The following WWOX variants were observed in gnomAD, a reference collection of about 807,000 sequenced individuals.
WWOX encodes WW domain containing oxidoreductase, also known as WW domain-containing oxidoreductase.
In WWOX, 69 loss-of-function variants were observed where a neutral mutation model predicts 46.2. The observed-to-expected ratio is 1.49, with a 90% CI of 1.23 to 1.82. The LOEUF is 1.82. WWOX is among the 40% of genes most tolerant of loss of function. The pLI, the probability that WWOX is intolerant of heterozygous loss-of-function variation, is 0.00. For missense variants in WWOX, 919 were observed against 542.6 expected, an observed-to-expected ratio of 1.69 and a Z score of -6.89; for synonymous variants, 359 against 202.6, an observed-to-expected ratio of 1.77 and a Z score of -6.56.
At chr16:78,463,521 G>A (rs2084003003) in intron 8 of WWOX, among the ~76,000 whole-genome samples, 1 of 152,168 alleles carries the variant, frequency 6.6e-6, no homozygotes, top group Admixed American at 6.5e-5. Flanking sequence ...ACATGTAACT[G>A]GTCATTTGTA....
At chr16:78,241,866 C>A (rs1251712449) in intron 5 of WWOX, among the ~76,000 whole-genome samples, 1 of 152,184 alleles carries the variant, frequency 6.6e-6, no homozygotes, top group African/African-American at 2.4e-5. Flanking sequence ...AAATCAGCTG[C>A]CTCCAACAGC....
intron 8 of WWOX, among the ~76,000 whole-genome samples, chr16:78,439,297 T>C (rs537702320): frequency 1.3e-5 from 2 of 152,340 alleles, no homozygotes; most frequent in South Asian, 2.1e-4. Context: ...AGTCCAGATA[T>C]GTTAGAAAAC....
intron 8 of WWOX, among the ~76,000 whole-genome samples, chr16:78,607,784 T>G (rs1017239833): frequency 2.6e-5 from 4 of 152,046 alleles, no homozygotes; most frequent in African/African-American, 9.7e-5. Flanking sequence ...TTTTCATATT[T>G]GTCATTTCTC....
chr16:78,884,739 G>A (rs955240974), intron 8 of WWOX, among the ~76,000 whole-genome samples: 4 of 152,142 alleles, frequency 2.6e-5, no homozygotes, highest in African/African-American at 9.7e-5. Context: ...AAGCTACTGG[G>A]TGTGTTCAGT....
chr16:79,003,354 C>G (rs1175222861), intron 8 of WWOX, among the ~76,000 whole-genome samples: 2 of 152,132 alleles, frequency 1.3e-5, no homozygotes, highest in Non-Finnish European at 2.9e-5. Flanking sequence ...CTGCTGTATA[C>G]CGGGAACAGA....
At chr16:79,158,146 G>C (rs1013420089) in intron 8 of WWOX, among the ~76,000 whole-genome samples, 2 of 152,196 alleles carry the variant, frequency 1.3e-5, no homozygotes, top group African/African-American at 4.8e-5. Flanking sequence ...GAAGTAGACA[G>C]AGACCTCTGG....
intron 8 of WWOX, among the ~76,000 whole-genome samples, chr16:78,661,307 A>T (rs899597401): frequency 6.6e-6 from 1 of 152,174 alleles, no homozygotes; most frequent in African/African-American, 2.4e-5. Flanking sequence ...AGCAATCAGC[A>T]CGCCATTTTT....
chr16:78,832,911 AAAGT>A (rs555795592), intron 8 of WWOX, among the ~76,000 whole-genome samples: 220 of 152,308 alleles, frequency 1.4e-3, no homozygotes, highest in African/African-American at 5.1e-3. Context: ...TTTCTCTCTG[AAAGT>A]AAGAAACTTT....
In WWOX at chr16:78,306,639, C is replaced by A. The variant is rs78209873; in HGVS notation, c.517-80221C>A. Reference sequence around the variant, plus strand: ...CCCACAATTCCCAGTGAGCCCAACTCCTTACCACAATTCCCACCCCATGCC... The same window carrying A: ...CCCACAATTCCCAGTGAGCCCAACTACTTACCACAATTCCCACCCCATGCC... On this transcript the variant is annotated intron_variant, in intron 5 of 8. Coordinates refer to ENST00000566780, the MANE Select transcript of WWOX (RefSeq NM_016373.4). 3.9e-5 allele frequency among the ~76,000 whole-genome samples: 6 copies of A among 152,170 alleles called. No homozygotes were observed. In the East Asian group the frequency reaches 1.2e-3, roughly 29 times the overall value.
At chr16:78,608,401 C>A (rs1195756352) in intron 8 of WWOX, among the ~76,000 whole-genome samples, 1 of 152,204 alleles carries the variant, frequency 6.6e-6, no homozygotes, top group Non-Finnish European at 1.5e-5. Flanking sequence ...AATGCCTGTG[C>A]TACATAACTG....
chr16:78,187,091 A>T (rs1244089172), intron 5 of WWOX, among the ~76,000 whole-genome samples: 1 of 152,208 alleles, frequency 6.6e-6, no homozygotes, highest in Non-Finnish European at 1.5e-5. Context: ...GAACTGTCCC[A>T]TCTCCCCAAA....
At chr16:78,985,329 G>T (rs550154667) in intron 8 of WWOX, among the ~76,000 whole-genome samples, 1 of 152,186 alleles carries the variant, frequency 6.6e-6, no homozygotes, top group East Asian at 1.9e-4. Flanking sequence ...CTGTGCCACC[G>T]GCACGCAGGG....
At chr16:79,009,243 G>C (rs867484663) in intron 8 of WWOX, among the ~76,000 whole-genome samples, 1 of 152,188 alleles carries the variant, frequency 6.6e-6, no homozygotes, top group Non-Finnish European at 1.5e-5. Flanking sequence ...GTTACAAACG[G>C]TTTGGGCACT....
At chr16:79,128,427 C>T (rs1205564963) in intron 8 of WWOX, among the ~76,000 whole-genome samples, 1 of 151,634 alleles carries the variant, frequency 6.6e-6, no homozygotes, top group Non-Finnish European at 1.5e-5. Flanking sequence ...CCTTTTAACA[C>T]TTTCAGCAAC....
chr16:78,355,704 C>T (rs574028301), intron 5 of WWOX: 4 of 740,750 alleles, frequency 5.4e-6, no homozygotes, highest in Non-Finnish European at 6.9e-6. Context: ...GTGGAAGAAA[C>T]TGTGACTACT....
At chr16:78,198,380 G>C (rs1339764544) in intron 5 of WWOX, among the ~76,000 whole-genome samples, 2 of 152,106 alleles carry the variant, frequency 1.3e-5, no homozygotes, top group Non-Finnish European at 2.9e-5. Context: ...GATGTCAGTA[G>C]GAAAAAAATC....
intron 8 of WWOX, among the ~76,000 whole-genome samples, chr16:78,573,776 A>G (rs985392493): frequency 2.6e-5 from 4 of 152,206 alleles, no homozygotes; most frequent in African/African-American, 9.6e-5. Flanking sequence ...CTCATTCTCG[A>G]TCTCCACTTG....
chr16:78,606,657 C>G (rs1218876902), intron 8 of WWOX, among the ~76,000 whole-genome samples: 2 of 150,778 alleles, frequency 1.3e-5, no homozygotes, highest in African/African-American at 2.4e-5. Flanking sequence ...GTGAACACAT[C>G]CAGACAAATG....
intron 8 of WWOX, among the ~76,000 whole-genome samples, chr16:78,515,943 C>CTCAGTCAA (rs1264462170): frequency 6.6e-6 from 1 of 152,134 alleles, no homozygotes; most frequent in African/African-American, 2.4e-5. Flanking sequence ...TCATTTGTCT[C>CTCAGTCAA]TCAGTCAATC....
Sources: allele counts gnomAD v4.1 joint callset (sites outside exome capture counted in the v4.1 genomes callset), GRCh38; gene constraint gnomAD v4.1.1; transcripts MANE v1.5; gene names NCBI Gene and HGNC (gene_info 2026-07-23, HGNC 2026-07-21).